CES2: variants seen among roughly 807,000 people sequenced by gnomAD.
CES2 encodes the protein carboxylesterase 2.
CES2 carries 42 observed loss-of-function variants against 52.1 expected under a neutral mutation model. The observed-to-expected ratio is 0.81, with a 90% CI of 0.63 to 1.04. CES2 has a LOEUF of 1.04. Ranked by LOEUF, CES2 falls within the 50% of genes least tolerant of loss-of-function variation. CES2 has a pLI of 0.00. For missense variants in CES2, 656 were observed against 724.3 expected (o/e 0.91, Z 1.08); for synonymous variants, 277 against 289.6 (o/e 0.96, Z 0.44).
upstream of CES2, chr16:66,935,505 C>G: frequency 6.2e-6 from 10 of 1,614,078 alleles, no homozygotes; most frequent in Non-Finnish European, 7.6e-6. Flanking sequence ...CAGCGCACCC[C>G]GCTGACTCCC....
chr16:66,939,382 T>G, intron 3 of CES2, 24 bp downstream of exon 3: 1 of 1,613,256 alleles, frequency 6.2e-7, no homozygotes, highest in Non-Finnish European at 8.5e-7. Flanking sequence ...CACAGTTCAC[T>G]GGGGGTTGGA....
chr16:66,936,001 G>A, intron 1 of CES2: 1 of 1,366,158 alleles, frequency 7.3e-7, no homozygotes, highest in South Asian at 1.5e-5. Flanking sequence ...GTCGGAGTGG[G>A]TGAGGGATTG....
rs764404022 is a variant in CES2, at chr16:66,943,912, C to T, written c.1567C>T (p.Gln523Ter). ...QEEQYLQLNL[Q>*]PAVGRALKAH... ...GGAGCAATACCTGCAGCTGAACCTA[C>T]AGCCTGCGGTGGGCCGGGCTCTGAA... The change falls in exon 12 of 12, where the codon CAG becomes TAG. Residue 523 changes from glutamine to a stop codon, truncating the protein, a stop_gained. Transcript: ENST00000317091. LOFTEE classifies it low-confidence loss of function (END_TRUNC). The surrounding 1 kb of genome is among the most constrained non-coding windows in gnomAD (Gnocchi z 4.2). 103 of 1,610,462 alleles carry T rather than the reference C, an allele frequency of 6.4e-5. No homozygotes were observed. The highest frequency in any genetic ancestry group is 8.2e-5 in the Non-Finnish European group (97 of 1,177,500).
In CES2 at chr16:66,940,494, A is replaced by G. The variant is rs985457932; in HGVS notation, c.615A>G (p.Leu205=). ...GCTACCTGGACCAAGTGGCTGCACTACGCTGGGTCCAGCAGAATATCGCCC... is the reference window on the plus strand; with the variant it reads ...GCTACCTGGACCAAGTGGCTGCACTGCGCTGGGTCCAGCAGAATATCGCCC... ...NWGYLDQVAA[L]RWVQQNIAHF... The change falls in exon 5 of 12, where the codon CTA becomes CTG. Residue 205 remains leucine, a synonymous_variant. Coordinates refer to ENST00000317091, the MANE Select transcript of CES2 (RefSeq NM_001365405.1). 6.2e-7 allele frequency: 1 copy of G among 1,614,188 alleles called. No homozygotes were observed. Among genetic ancestry groups the G allele is most frequent in the African/African-American group, 1.3e-5 (1 of 75,058 alleles).
chr16:66,939,237 C>T lies in CES2; in HGVS notation c.302C>T (p.Ala101Val). Residue 101 changes from alanine to valine, a missense_variant, in exon 3 of 12, where the codon GCA becomes GTA. By Grantham distance (64) the Ala-to-Val change is moderately conservative. Coordinates refer to ENST00000317091, the MANE Select transcript of CES2 (RefSeq NM_001365405.1). ...HPAMCLQDLT[A>V]VESEFLSQFN... is the part of the protein sequence containing the mutation. ...ACCAGGTGTCTACAGGACCTCACCG[C>T]AGTGGAGTCAGAGTTTCTTAGCCAG... The T allele has an allele frequency of 6.2e-7, 1 of 1,613,748 alleles. No individual in the cohort carries two copies. The highest frequency in any genetic ancestry group is 8.5e-7 in the Non-Finnish European group (1 of 1,179,828).
chr16:66,943,865 A>G lies in CES2; in HGVS notation c.1520A>G (p.His507Arg). The change falls in exon 12 of 12, where the codon CAC (histidine) becomes CGC (arginine). Residue 507 changes from histidine (H) to arginine (R), a missense_variant. Transcript: ENST00000317091. This position sits in a 1 kb window ranked among gnomAD's most constrained non-coding sequence, Gnocchi z 4.2. Reference protein sequence around the residue: ...NGNPNGEGLPHWPLFDQEEQY... With the variant: ...NGNPNGEGLPRWPLFDQEEQY... ...AACCCCAATGGCGAGGGTCTGCCAC[A>G]CTGGCCGCTGTTCGACCAGGAGGAG... 1 of 1,603,984 alleles carries G rather than the reference A, an allele frequency of 6.2e-7. No individual in the cohort carries two copies. The highest frequency in any genetic ancestry group is 8.5e-7 in the Non-Finnish European group (1 of 1,173,100).
chr16:66,937,975 A>G, intron 1 of CES2, 62 bp from the exon 2 acceptor site: 1 of 1,384,828 alleles, frequency 7.2e-7, no homozygotes, highest in Non-Finnish European at 1.0e-6. Flanking sequence ...CAGCAATACC[A>G]ACAGTTGGGA....
At position 66,943,753 on chromosome 16, in the gene CES2, C is replaced by T. The variant is rs1963419180; in HGVS notation, c.1494-86C>T. On this transcript the variant is annotated intron_variant, in intron 11 of 11. Transcript: ENST00000317091. This position sits in a 1 kb window ranked among gnomAD's most constrained non-coding sequence, Gnocchi z 4.2. The stretch of plus-strand genomic sequence containing the variant: ...CCACCTGGCCTGCTTGGCTGCCTTG[C>T]CTGACCAGACTCAGGGTGCTCAGGT... 8.4e-7 allele frequency: 1 copy of T among 1,189,952 alleles called. No individual in the cohort carries two copies. Among genetic ancestry groups the T allele is most frequent in the Non-Finnish European group, 1.2e-6 (1 of 847,578 alleles). 73.7% of individuals were successfully genotyped at this position (1,189,952 alleles called of 1,614,324 possible). A position where few individuals can be genotyped will look rare whatever the true frequency, so the allele number is the denominator to read the frequency against.
At chr16:66,940,801 C>T (rs1963345752) in intron 5 of CES2, 106 bp downstream of exon 5, 1 of 1,385,936 alleles carries the variant, frequency 7.2e-7, no homozygotes, top group Admixed American at 2.4e-5. Context: ...GAGCATGCTC[C>T]AGGAGCTGCT....
chr16:66,937,836 C>T (rs1362703264), intron 1 of CES2, among the ~76,000 whole-genome samples: 1 of 152,190 alleles, frequency 6.6e-6, no homozygotes, highest in Non-Finnish European at 1.5e-5. Flanking sequence ...CCCCAAGGAG[C>T]CTCAGCCTGG....
At chr16:66,941,410 T>A in intron 6 of CES2, 96 bp from the exon 7 acceptor site, 1 of 1,547,888 alleles carries the variant, frequency 6.5e-7, no homozygotes, top group Non-Finnish European at 8.8e-7. Flanking sequence ...GGTATGAGCA[T>A]CCAGGGATAA....
rs372834617 is a variant in CES2 at position 66,941,870 on chromosome 16, G to A, written c.1137+22G>A. 2.0e-5 allele frequency: 32 copies of A among 1,613,762 alleles called. No homozygotes were observed. In the African/African-American group the frequency reaches 2.9e-4, roughly 15 times the overall value. Reference sequence around the variant, plus strand: ...GCTGGTAAGGCTCCTGGGGTCCCTCGCCAATGGAGACGGGCTCCTCTCCTG... The same window carrying A: ...GCTGGTAAGGCTCCTGGGGTCCCTCACCAATGGAGACGGGCTCCTCTCCTG... On this transcript the variant is annotated intron_variant, in intron 8 of 11. Transcript: ENST00000317091.
At chr16:66,938,415 G>C (rs1326832063) in intron 2 of CES2, 174 bp downstream of exon 2, 4 of 608,240 alleles carry the variant, frequency 6.6e-6, no homozygotes. Flanking sequence ...GGCTCAGGAG[G>C]GCAGAATAAC....
Position 66,941,221 on chromosome 16 carries a change from A to G in CES2, c.914A>G (p.Lys305Arg). The G allele has an allele frequency of 2.5e-6, 4 of 1,614,072 alleles. No homozygotes were observed. Among genetic ancestry groups the G allele is most frequent in the South Asian group, 1.1e-5 (1 of 91,042 alleles). ...AAAGAGGAGATTCTTGCAATTAACA[A>G]GGTTGGTCTAAATGGATGTGGGTGT... ...KSKEEILAINKPFKMIPGVVD... is the reference protein window; with the variant it reads ...KSKEEILAINRPFKMIPGVVD... Residue 305 changes from lysine to arginine, a missense_variant and splice_region_variant, in exon 6 of 12, where the codon AAG becomes AGG. By Grantham distance (26) the Lys-to-Arg change is conservative. Transcript: ENST00000317091.
At chr16:66,939,881 T>G (rs971330221) in intron 3 of CES2, among the ~76,000 whole-genome samples, 2 of 152,288 alleles carry the variant, frequency 1.3e-5, no homozygotes, top group Admixed American at 6.5e-5. Context: ...TTTAAAACAT[T>G]TTCTGTTGAA....
At position 66,940,325 on chromosome 16, in the gene CES2, A is replaced by T. The variant is rs777666645; in HGVS notation, c.527A>T (p.Gln176Leu). 17 of 1,614,036 alleles carry T rather than the reference A, an allele frequency of 1.1e-5. 1 individual carries two copies. The South Asian group carries it at 1.9e-4, about 18-fold the overall frequency. The change falls in exon 4 of 12, where the codon CAG becomes CTG. Residue 176 changes from glutamine (Q) to leucine (L), a missense_variant. By Grantham distance (113) the Gln-to-Leu change is moderately radical. Coordinates refer to ENST00000317091, the MANE Select transcript of CES2 (RefSeq NM_001365405.1). ...ALENVVVVII[Q>L]YRLGVLGFFS... ...GAGAACGTGGTGGTGGTCATCATCC[A>T]GTACCGCCTGGGTGTCCTGGGCTTC... is the stretch of plus-strand genomic sequence containing the variant.
chr16:66,944,966 C>T lies in CES2; in HGVS notation c.*941C>T, dbSNP rs1004474496. 2 of 152,120 alleles carry T rather than the reference C, an allele frequency of 1.3e-5. No individual in the cohort carries two copies. Among genetic ancestry groups the T allele is most frequent in the African/African-American group, 4.8e-5 (2 of 41,384 alleles). 9.4% of individuals were successfully genotyped at this position (152,120 alleles called of 1,614,324 possible). A position where few individuals can be genotyped will look rare whatever the true frequency, so the allele number is the denominator to read the frequency against. ...CTTCTCCCTGCCTTCTCTCTTCTCT[C>T]GTCTGAGCCCCCAGGCCTTTTCCAC... On this transcript the variant is annotated 3_prime_UTR_variant, in exon 12 of 12. Transcript: ENST00000317091.
Position 66,939,348 on chromosome 16 carries a change from C to T in CES2, c.413C>T (p.Ser138Phe). ...IYTPAHSHEG[S>F]NLPVMVWIHG... ...ACGCCGGCCCATAGCCATGAAGGCTCTAACCTGCCGGTGGGTGTCAGGCCA... is the reference window on the plus strand; with the variant it reads ...ACGCCGGCCCATAGCCATGAAGGCTTTAACCTGCCGGTGGGTGTCAGGCCA... Residue 138 changes from serine to phenylalanine, a missense_variant, in exon 3 of 12, where the codon TCT becomes TTT. Coordinates refer to ENST00000317091, the MANE Select transcript of CES2 (RefSeq NM_001365405.1). 1 of 1,614,140 alleles carries T rather than the reference C, an allele frequency of 6.2e-7. No homozygotes were observed. The highest frequency in any genetic ancestry group is 8.5e-7 in the Non-Finnish European group (1 of 1,180,016).
chr16:66,944,085 C>A lies in CES2; in HGVS notation c.*60C>A. ...GACAGGCGAGGGTCAGCCTGCTGTGCCCACACACACCCACTAAGGAGAAAG... is the reference window on the plus strand; with the variant it reads ...GACAGGCGAGGGTCAGCCTGCTGTGACCACACACACCCACTAAGGAGAAAG... On this transcript the variant is annotated 3_prime_UTR_variant, in exon 12 of 12. Transcript: ENST00000317091. The A allele has an allele frequency of 1.3e-6, 1 of 782,640 alleles. No individual in the cohort carries two copies. Among genetic ancestry groups the A allele is most frequent in the Non-Finnish European group, 2.0e-6 (1 of 512,142 alleles). The allele number at this position is 782,640 out of a possible 1,614,324, so 48.5% of individuals were successfully genotyped here.
Sources: gnomAD v4.1 joint callset for allele counts (sites outside exome capture counted in the v4.1 genomes callset) on GRCh38, gnomAD v4.1.1 for gene constraint, Gnocchi (gnomAD v3.1) non-coding constraint, MANE v1.5 for transcripts, NCBI Gene and HGNC (gene_info 2026-07-23, HGNC 2026-07-21) for gene names.